The following FRMD1 variants were observed in gnomAD, a reference collection of about 807,000 sequenced individuals.
FRMD1 encodes the protein FERM domain containing 1, also known as FERM domain-containing protein 1.
FRMD1 carries 51 observed loss-of-function variants against 54.9 expected under a neutral mutation model. The ratio of observed to expected loss-of-function variants is 0.93; its 90% CI spans 0.74 to 1.17. The LOEUF is 1.17. Among genes scored for constraint, FRMD1 ranks in the 50% most tolerant of loss-of-function variants. The pLI is 0.00. For synonymous variants in FRMD1, 324 were observed against 306.4 expected (o/e 1.06, Z -0.60); for missense variants, 729 against 743.0 (o/e 0.98, Z 0.22).
At chr6:168,066,132 C>G in intron 4 of FRMD1, 7 of 989,038 alleles carry the variant, frequency 7.1e-6, no homozygotes, top group Non-Finnish European at 8.4e-6. Context: ...CTTAGCCCAG[C>G]GACCTCCAGA....
chr6:168,080,835 G>A (rs1179410186), upstream of FRMD1, among the ~76,000 whole-genome samples: 7 of 151,504 alleles, frequency 4.6e-5, no homozygotes, highest in Middle Eastern at 3.4e-3. Flanking sequence ...TGGTTTGTGC[G>A]GGCGCTGGTG....
At chr6:168,064,078 T>G (rs1464436429) in intron 5 of FRMD1, among the ~76,000 whole-genome samples, 1 of 152,180 alleles carries the variant, frequency 6.6e-6, no homozygotes, top group Non-Finnish European at 1.5e-5. Context: ...GAGGACCAGC[T>G]GGGGCCATCA....
At chr6:168,078,543 C>CACCCGGAG (rs1800693338) in intron 1 of FRMD1, among the ~76,000 whole-genome samples, 1 of 147,996 alleles carries the variant, frequency 6.8e-6, no homozygotes. Context: ...CCCCCACGGC[C>CACCCGGAG]CTGCTCACCC....
upstream of FRMD1, chr6:168,081,484 G>A: frequency 6.5e-7 from 1 of 1,534,976 alleles, no homozygotes; most frequent in Non-Finnish European, 8.7e-7. Context: ...TCATGGCTGA[G>A]CCCTGGAGTC....
chr6:168,062,730 G>C, intron 7 of FRMD1, 164 bp downstream of exon 7: 3 of 1,559,256 alleles, frequency 1.9e-6, no homozygotes, highest in Non-Finnish European at 1.7e-6. Flanking sequence ...TGCGGAGCAC[G>C]GTCCACCTCC....
rs530047200 is a variant in FRMD1, at chr6:168,057,927, T to C, written c.1408-588A>G. Reference sequence around the variant, plus strand: ...GGGCAGGGGCAGGCCACGCCGAAGATTGCCCAGCGCCAGGGTCTGACTTGC... The same window carrying C: ...GGGCAGGGGCAGGCCACGCCGAAGACTGCCCAGCGCCAGGGTCTGACTTGC... On this transcript the variant is annotated intron_variant, in intron 10 of 10. Coordinates refer to ENST00000283309, the MANE Select transcript of FRMD1 (RefSeq NM_024919.6). 1.5e-3 allele frequency among the ~76,000 whole-genome samples: 236 copies of C among 152,346 alleles called. 1 individual carries two copies. The highest frequency in any genetic ancestry group is 6.8e-3 in the South Asian group (33 of 4,834).
At chr6:168,073,496 G>C (rs373346678) in intron 2 of FRMD1, among the ~76,000 whole-genome samples, 1 of 152,144 alleles carries the variant, frequency 6.6e-6, no homozygotes, top group East Asian at 1.9e-4. Flanking sequence ...ACACCGCCCA[G>C]GGGTCCCACA....
chr6:168,064,127 T>A (rs185057432), intron 5 of FRMD1, among the ~76,000 whole-genome samples: 128 of 152,186 alleles, frequency 8.4e-4, no homozygotes, highest in African/African-American at 3.0e-3. Flanking sequence ...GTGGAATCAC[T>A]GAGGGTGGAA....
chr6:168,066,583 A>G, intron 4 of FRMD1, 172 bp downstream of exon 4: 1 of 1,413,164 alleles, frequency 7.1e-7, no homozygotes, highest in South Asian at 1.7e-5. Context: ...TTTCGATTAA[A>G]TAGAATTCCT....
In FRMD1 at chr6:168,063,769, C is replaced by G. The variant is rs1421331017; in HGVS notation, c.649-13G>C. 1.2e-6 allele frequency: 2 copies of G among 1,604,636 alleles called. No individual in the cohort carries two copies. Among genetic ancestry groups the G allele is most frequent in the Non-Finnish European group, 1.7e-6 (2 of 1,175,290 alleles). The stretch of plus-strand genomic sequence containing the variant: ...TCTTGGTGATGATCTGAGGACAGAG[C>G]CGGGAGGTCAGCTCAGACCCCTGCT... On this transcript the variant is annotated splice_polypyrimidine_tract_variant and intron_variant, in intron 5 of 10. Transcript: ENST00000283309.
chr6:168,062,092 T>C, intron 7 of FRMD1, 111 bp from the exon 8 acceptor site: 1 of 1,159,902 alleles, frequency 8.6e-7, no homozygotes, highest in Admixed American at 2.3e-5. Context: ...AGGCCCAGGT[T>C]TTCACTTCGC....
In FRMD1 at chr6:168,053,575, C is replaced by A. The variant is rs1414770982; in HGVS notation, c.*3522G>T. On this transcript the variant is annotated 3_prime_UTR_variant, in exon 11 of 11. Transcript: ENST00000283309. ...CACACACCCACAGGGCCCTCAGTGC[C>A]CCTCAAGGCGAAAGGAGCGTGACGG... 1.3e-5 allele frequency: 2 copies of A among 152,320 alleles called. No individual in the cohort carries two copies. The highest frequency in any genetic ancestry group is 4.8e-5 in the African/African-American group (2 of 41,476). 9.4% of individuals were successfully genotyped at this position (152,320 alleles called of 1,614,324 possible). A position where few individuals can be genotyped will look rare whatever the true frequency, so the allele number is the denominator to read the frequency against.
intron 7 of FRMD1, among the ~76,000 whole-genome samples, chr6:168,062,496 G>GCAGGGC (rs1029330074): frequency 5.9e-5 from 9 of 152,270 alleles, no homozygotes; most frequent in African/African-American, 2.2e-4. Flanking sequence ...CCCCACGCCT[G>GCAGGGC]CAGGGCCAGG....
chr6:168,088,553 G>C (rs1357006559), intron 1 of FRMD1, among the ~76,000 whole-genome samples: 1 of 152,160 alleles, frequency 6.6e-6, no homozygotes, highest in Non-Finnish European at 1.5e-5. Context: ...TGTTAACTCA[G>C]CACTAAAAAG....
chr6:168,072,835 CAG>C (rs1222277356), intron 2 of FRMD1, among the ~76,000 whole-genome samples: 5 of 152,216 alleles, frequency 3.3e-5, no homozygotes, highest in African/African-American at 1.2e-4. Flanking sequence ...TCTAAAATCA[CAG>C]AGAGATGACA....
upstream of FRMD1, among the ~76,000 whole-genome samples, chr6:168,079,848 C>G (rs1019873867): frequency 6.6e-6 from 1 of 152,222 alleles, no homozygotes; most frequent in East Asian, 1.9e-4. Flanking sequence ...CCCGCAGGGC[C>G]TGGAACCCCT....
chr6:168,089,397 G>A (rs1171380248), intron 1 of FRMD1, among the ~76,000 whole-genome samples: 1 of 152,212 alleles, frequency 6.6e-6, no homozygotes, highest in African/African-American at 2.4e-5. Flanking sequence ...GGACTCTCAG[G>A]AGGCTGTGGC....
rs567874022 is a variant in FRMD1 at position 168,054,158 on chromosome 6, G to A, written c.*2939C>T. 4.7e-4 allele frequency: 72 copies of A among 152,458 alleles called. No individual in the cohort carries two copies. The highest frequency in any genetic ancestry group is 1.7e-3 in the African/African-American group (69 of 41,572). The allele number at this position is 152,458 out of a possible 1,614,324, so 9.4% of individuals were successfully genotyped here. A position where few individuals can be genotyped will look rare whatever the true frequency, so the allele number is the denominator to read the frequency against. On this transcript the variant is annotated 3_prime_UTR_variant, in exon 11 of 11. Coordinates refer to ENST00000283309, the MANE Select transcript of FRMD1 (RefSeq NM_024919.6). ...CCTCCCACACCCCACCCAGCAGGGA[G>A]AGCTGCGCCCTCAGACCCAGACCCC...
intron 1 of FRMD1, among the ~76,000 whole-genome samples, chr6:168,091,949 C>T (rs879585129): frequency 1.3e-5 from 2 of 152,230 alleles, no homozygotes; most frequent in African/African-American, 4.8e-5. Context: ...GACCAGTAGC[C>T]CCACGTTCAG....
Sources: gnomAD v4.1 joint callset for allele counts (sites outside exome capture counted in the v4.1 genomes callset) on GRCh38, gnomAD v4.1.1 for gene constraint, MANE v1.5 for transcripts, NCBI Gene and HGNC (gene_info 2026-07-23, HGNC 2026-07-21) for gene names.